Variants in CAMTA1 observed in about 807,000 individuals in gnomAD.
The protein encoded by CAMTA1 is calmodulin-binding transcription activator 1.
Under a neutral mutation model 170.9 loss-of-function variants are expected in CAMTA1, and 27 were observed. The observed-to-expected ratio is 0.16, with a 90% CI of 0.12 to 0.22. CAMTA1 has a LOEUF of 0.22. CAMTA1 is among the 10% of genes least tolerant of loss of function. The pLI is 1.00. For missense variants in CAMTA1, 1,619 were observed against 2,217.2 expected (o/e 0.73, Z 5.42); for synonymous variants, 833 against 891.5 (o/e 0.93, Z 1.17).
chr1:7,121,689 C>G (rs936390309), intron 4 of CAMTA1, among the ~76,000 whole-genome samples: 15 of 152,198 alleles, frequency 9.9e-5, no homozygotes, highest in African/African-American at 3.4e-4. Flanking sequence ...ACTGTGCCTG[C>G]TGAGGTAGGG....
At chr1:7,474,537 A>G (rs2093388789) in intron 6 of CAMTA1, among the ~76,000 whole-genome samples, 1 of 152,234 alleles carries the variant, frequency 6.6e-6, no homozygotes, top group Non-Finnish European at 1.5e-5. Flanking sequence ...GTAAGTGGAC[A>G]TCCTGAATCC....
intron 4 of CAMTA1, among the ~76,000 whole-genome samples, chr1:7,105,772 C>T (rs746983872): frequency 4.0e-5 from 6 of 151,628 alleles, no homozygotes; most frequent in Non-Finnish European, 5.9e-5. Flanking sequence ...GTGAGACCAC[C>T]GTCTCTACAA....
rs897025915 is a variant in CAMTA1 at position 7,063,314 on chromosome 1, G to A, written c.235-27990G>A. 1.3e-5 allele frequency among the ~76,000 whole-genome samples: 2 copies of A among 152,204 alleles called. No homozygotes were observed. The highest frequency in any genetic ancestry group is 2.9e-5 in the Non-Finnish European group (2 of 68,042). On this transcript the variant is annotated intron_variant, in intron 3 of 22. Coordinates refer to ENST00000303635, the MANE Select transcript of CAMTA1 (RefSeq NM_015215.4). The surrounding 1 kb of genome is among the most constrained non-coding windows in gnomAD (Gnocchi z 4.3). Reference sequence around the variant, plus strand: ...CTCTTCCGCAACACCTCTCAGACCCGTCAGTGTGCTGAGGCGCAGCTTCCC... The same window carrying A: ...CTCTTCCGCAACACCTCTCAGACCCATCAGTGTGCTGAGGCGCAGCTTCCC...
At chr1:7,046,538 T>C (rs1705413202) in intron 3 of CAMTA1, among the ~76,000 whole-genome samples, 1 of 152,218 alleles carries the variant, frequency 6.6e-6, no homozygotes, top group African/African-American at 2.4e-5. Flanking sequence ...CCATCCCGGA[T>C]GCAGCTGATG....
chr1:7,549,520 GC>G (rs2094770121), intron 6 of CAMTA1, among the ~76,000 whole-genome samples: 1 of 152,130 alleles, frequency 6.6e-6, no homozygotes, highest in East Asian at 1.9e-4. Context: ...CCTCTCCAAT[GC>G]CCTGGGGCAT....
intron 3 of CAMTA1, among the ~76,000 whole-genome samples, chr1:6,877,817 G>C (rs1670367434): frequency 6.6e-6 from 1 of 152,194 alleles, no homozygotes; most frequent in African/African-American, 2.4e-5. Context: ...AAACCAGAAT[G>C]ACTTTTGTCA....
At chr1:6,937,406 CCATCAT>C (rs1446051474) in intron 3 of CAMTA1, among the ~76,000 whole-genome samples, 5 of 145,890 alleles carry the variant, frequency 3.4e-5, no homozygotes, top group Non-Finnish European at 6.1e-5. Flanking sequence ...ATCACCATCA[CCATCAT>C]CATCACCACT....
chr1:6,817,227 C>G (rs1393940879), intron 1 of CAMTA1, among the ~76,000 whole-genome samples: 4 of 152,122 alleles, frequency 2.6e-5, no homozygotes, highest in African/African-American at 9.7e-5. Context: ...AACTTTTCAC[C>G]TAAGACCATT....
At chr1:7,396,381 C>A (rs879243981) in intron 5 of CAMTA1, among the ~76,000 whole-genome samples, 5 of 152,294 alleles carry the variant, frequency 3.3e-5, no homozygotes, top group Admixed American at 3.3e-4. Context: ...AAATAAATCT[C>A]TTTTCTTTAC....
intron 11 of CAMTA1, among the ~76,000 whole-genome samples, chr1:7,695,377 C>T (rs911691399): frequency 1.3e-5 from 2 of 152,218 alleles, no homozygotes; most frequent in African/African-American, 2.4e-5. Context: ...CATCATTCCT[C>T]CCCGGCGTTC....
rs6699651 is a variant in CAMTA1, at chr1:7,592,327, C to T, written c.511-48073C>T. Reference sequence around the variant, plus strand: ...AGCTCACCGGACTGGCAGCAGACAGCATCTGGTCACATCTCTCTCGCCAGT... The same window carrying T: ...AGCTCACCGGACTGGCAGCAGACAGTATCTGGTCACATCTCTCTCGCCAGT... On this transcript the variant is annotated intron_variant, in intron 6 of 22. Coordinates refer to ENST00000303635, the MANE Select transcript of CAMTA1 (RefSeq NM_015215.4). The surrounding 1 kb of genome is among the most constrained non-coding windows in gnomAD (Gnocchi z 4.6). Among the ~76,000 whole-genome samples the T allele has an allele frequency of 0.21, 31,558 of 152,142 alleles. 4,625 individuals are homozygous for T. Among genetic ancestry groups the T allele is most frequent in the African/African-American group, 0.41 (17,115 of 41,470 alleles).
intron 11 of CAMTA1, chr1:7,694,640 T>C (rs1467676748): frequency 1.3e-5 from 2 of 152,580 alleles, no homozygotes; most frequent in Non-Finnish European, 2.9e-5. Context: ...ATGGCTCCAT[T>C]TGCTGTGCGG....
At chr1:7,730,740 A>T (rs940633010) in intron 11 of CAMTA1, among the ~76,000 whole-genome samples, 2 of 152,102 alleles carry the variant, frequency 1.3e-5, no homozygotes, top group South Asian at 4.1e-4. Flanking sequence ...TACTAAAAAT[A>T]CAAAAAAGAT....
At chr1:7,756,496 G>A (rs1422380006) in intron 22 of CAMTA1, among the ~76,000 whole-genome samples, 1 of 152,190 alleles carries the variant, frequency 6.6e-6, no homozygotes, top group Non-Finnish European at 1.5e-5. Context: ...TCTCCCAGAA[G>A]CAACTATAAT....
rs779282730 is a variant in CAMTA1, at chr1:7,745,934, C to G, written c.4460C>G (p.Pro1487Arg). Reference sequence around the variant, plus strand: ...GTCAGTGAAATCGCTTTCGAGAAACCTAACCTTCCCTCCGCCGCGGATTGG... The same window carrying G: ...GTCAGTGAAATCGCTTTCGAGAAACGTAACCTTCCCTCCGCCGCGGATTGG... ...SPVSEIAFEK[P>R]NLPSAADWSE... Residue 1487 changes from proline (P) to arginine (R), a missense_variant, in exon 18 of 23, where the codon CCT becomes CGT. Transcript: ENST00000303635. The G allele has an allele frequency of 3.1e-5, 50 of 1,614,214 alleles. No individual in the cohort carries two copies. The highest frequency in any genetic ancestry group is 4.2e-5 in the Non-Finnish European group (49 of 1,180,042).
Position 7,664,677 on chromosome 1 carries a change from G to A in CAMTA1, c.2130G>A (p.Leu710=). The A allele has an allele frequency of 6.2e-7, 1 of 1,605,108 alleles. No homozygotes were observed. Among genetic ancestry groups the A allele is most frequent in the Non-Finnish European group, 8.5e-7 (1 of 1,173,546 alleles). ...GSEVLLKSGE[L]QACSSEHYLQ... is the part of the protein sequence containing the mutation. ...AGGTCCTGCTCAAGTCTGGGGAGCT[G>A]CAGGCTTGCAGCTCTGAGCACTACC... Residue 710 remains leucine, a synonymous_variant, in exon 9 of 23, where the codon CTG becomes CTA. Transcript: ENST00000303635.
intron 3 of CAMTA1, among the ~76,000 whole-genome samples, chr1:6,890,124 G>A (rs1674196045): frequency 6.6e-6 from 1 of 152,180 alleles, no homozygotes; most frequent in African/African-American, 2.4e-5. Flanking sequence ...GGAGCCTTCC[G>A]GAGGCTCTGC....
Position 7,284,201 on chromosome 1 carries a change from A to C in CAMTA1, c.438+34575A>C, listed in dbSNP as rs1268553203. Reference sequence around the variant, plus strand: ...TCTTATTATTATTATTATTATTATTATTATTATTATTATTATTTCTGAGAA... The same window carrying C: ...TCTTATTATTATTATTATTATTATTCTTATTATTATTATTATTTCTGAGAA... On this transcript the variant is annotated intron_variant, in intron 5 of 22. Coordinates refer to ENST00000303635, the MANE Select transcript of CAMTA1 (RefSeq NM_015215.4). 3.2e-3 allele frequency among the ~76,000 whole-genome samples: 456 copies of C among 142,290 alleles called. 1 individual carries two copies. The highest frequency in any genetic ancestry group is 0.01 in the African/African-American group (402 of 38,316). The allele number at this position is 142,290 out of a possible 152,430, so 93.3% of individuals were successfully genotyped here. A position where few individuals can be genotyped will look rare whatever the true frequency, so the allele number is the denominator to read the frequency against.
intron 6 of CAMTA1, among the ~76,000 whole-genome samples, chr1:7,542,394 C>T (rs1291825373): frequency 6.6e-6 from 1 of 151,988 alleles, no homozygotes. Flanking sequence ...AAGCATTTCC[C>T]CCGTCATTCA....
Sources: allele counts gnomAD v4.1 joint callset (sites outside exome capture counted in the v4.1 genomes callset), GRCh38; gene constraint gnomAD v4.1.1; non-coding constraint Gnocchi (gnomAD v3.1); transcripts MANE v1.5; gene names NCBI Gene and HGNC (gene_info 2026-07-23, HGNC 2026-07-21).